The following CADM2 variants were observed in gnomAD, a reference collection of about 807,000 sequenced individuals.
CADM2 encodes immunoglobulin superfamily member 4D.
Under a neutral mutation model 49.8 loss-of-function variants are expected in CADM2, and 12 were observed. That is an observed-to-expected ratio of 0.24 (90% CI 0.15 to 0.39). The LOEUF is 0.39. Among genes scored for constraint, CADM2 ranks in the 10% least tolerant of loss-of-function variants. The pLI is 1.00. For missense variants in CADM2, 378 were observed against 492.3 expected, an observed-to-expected ratio of 0.77 and a Z score of 2.20; for synonymous variants, 214 against 175.4, an observed-to-expected ratio of 1.22 and a Z score of -1.74.
At chr3:85,227,487 G>T (rs1183881988) in intron 1 of CADM2, among the ~76,000 whole-genome samples, 1 of 131,070 alleles carries the variant, frequency 7.6e-6, no homozygotes, top group African/African-American at 2.9e-5. Context: ...TCATTTGCTT[G>T]GTAAATCTTC....
At chr3:85,558,596 A>G (rs2107163766) in intron 1 of CADM2, among the ~76,000 whole-genome samples, 1 of 152,200 alleles carries the variant, frequency 6.6e-6, no homozygotes, top group Non-Finnish European at 1.5e-5. Flanking sequence ...AATATCTTCT[A>G]TGTAAATGTG....
intron 1 of CADM2, among the ~76,000 whole-genome samples, chr3:85,706,116 T>A (rs536775773): frequency 1.4e-4 from 22 of 152,344 alleles, no homozygotes; most frequent in African/African-American, 5.3e-4. Flanking sequence ...GCTCAGATAA[T>A]CTTCCATCTC....
intron 1 of CADM2, among the ~76,000 whole-genome samples, chr3:85,636,274 C>G (rs1039991671): frequency 6.6e-6 from 1 of 151,938 alleles, no homozygotes; most frequent in Non-Finnish European, 1.5e-5. Flanking sequence ...TGATCCTGAC[C>G]CTGTGTATGC....
chr3:85,439,341 T>C (rs1186687963), intron 1 of CADM2, among the ~76,000 whole-genome samples: 1 of 151,720 alleles, frequency 6.6e-6, no homozygotes, highest in Non-Finnish European at 1.5e-5. Context: ...TTACTAGAGA[T>C]GGGGTTTCAC....
chr3:85,821,114 G>T (rs1023672790), intron 3 of CADM2, among the ~76,000 whole-genome samples: 1 of 152,050 alleles, frequency 6.6e-6, no homozygotes, highest in African/African-American at 2.4e-5. Flanking sequence ...TTCTATTGTG[G>T]TTCTCTGCAT....
At chr3:85,591,384 A>T (rs1423072872) in intron 1 of CADM2, among the ~76,000 whole-genome samples, 1 of 151,054 alleles carries the variant, frequency 6.6e-6, no homozygotes, top group Non-Finnish European at 1.5e-5. Flanking sequence ...TTACATTCTG[A>T]GGCTGCAGTT....
chr3:86,023,368 GTTTGTTTTGTTTTGT>G (rs10588840), intron 8 of CADM2, among the ~76,000 whole-genome samples: 1 of 124,002 alleles, frequency 8.1e-6, no homozygotes, highest in South Asian at 2.8e-4. Context: ...TTGTTTGTTT[GTTTGTTTTGTTTTGT>G]TTTGTTTTGT....
chr3:86,036,937 T>G lies in CADM2; in HGVS notation c.971-28668T>G, dbSNP rs1042473585. On this transcript the variant is annotated intron_variant, in intron 8 of 9. Coordinates refer to ENST00000383699, the MANE Select transcript of CADM2 (RefSeq NM_001167675.2). ...AGTTCTTTTTCACCTCAGTCTTCTT[T>G]ATTTTATTATCTGCCAAAATCTTAG... Among the ~76,000 whole-genome samples the G allele has an allele frequency of 2.6e-5, 4 of 152,180 alleles. No homozygotes were observed. In the East Asian group the frequency reaches 7.7e-4, roughly 29 times the overall value.
intron 1 of CADM2, among the ~76,000 whole-genome samples, chr3:85,222,361 A>G (rs893035710): frequency 1.1e-4 from 16 of 152,094 alleles, no homozygotes; most frequent in African/African-American, 3.6e-4. Flanking sequence ...AAGATGTATG[A>G]CTTCTCTGAT....
intron 1 of CADM2, among the ~76,000 whole-genome samples, chr3:85,097,179 G>A (rs1237904084): frequency 2.6e-5 from 4 of 152,118 alleles, no homozygotes; most frequent in African/African-American, 7.2e-5. Flanking sequence ...TCTGCGGAGT[G>A]TGATGTTCCC....
At chr3:85,892,177 G>C (rs1714531669) in intron 5 of CADM2, among the ~76,000 whole-genome samples, 1 of 152,130 alleles carries the variant, frequency 6.6e-6, no homozygotes, top group Non-Finnish European at 1.5e-5. Flanking sequence ...GGATGACAAT[G>C]GAATTTTTTA....
intron 1 of CADM2, among the ~76,000 whole-genome samples, chr3:84,996,947 C>T (rs1474327883): frequency 6.6e-6 from 1 of 152,018 alleles, no homozygotes; most frequent in African/African-American, 2.4e-5. Flanking sequence ...TATTGAAAGA[C>T]ACTGAAAAAA....
chr3:85,593,966 T>A lies in CADM2; in HGVS notation c.62-132556T>A, dbSNP rs562691169. ...GGTTAATTGAAGATTAACATTGGAG[T>A]TTTATCAGCTGAATATAGTGAGTGA... On this transcript the variant is annotated intron_variant, in intron 1 of 9. Transcript: ENST00000383699. Among the ~76,000 whole-genome samples the A allele has an allele frequency of 7.2e-5, 11 of 151,914 alleles. No individual in the cohort carries two copies. In the East Asian group the frequency reaches 2.1e-3, roughly 30 times the overall value.
At chr3:85,088,586 G>A (rs1051436384) in intron 1 of CADM2, among the ~76,000 whole-genome samples, 8 of 151,990 alleles carry the variant, frequency 5.3e-5, no homozygotes, top group Non-Finnish European at 1.0e-4. Context: ...ATAGGCCTCT[G>A]AAAACAACTG....
chr3:85,198,339 G>T (rs1218311775), intron 1 of CADM2, among the ~76,000 whole-genome samples: 2 of 151,146 alleles, frequency 1.3e-5, no homozygotes, highest in Non-Finnish European at 3.0e-5. Context: ...TGGTACAGCT[G>T]CAGGGGAGAT....
intron 1 of CADM2, among the ~76,000 whole-genome samples, chr3:85,423,865 C>A (rs868377760): frequency 6.6e-6 from 1 of 152,154 alleles, no homozygotes; most frequent in African/African-American, 2.4e-5. Flanking sequence ...AGGTCCCAAA[C>A]AATTACTTTC....
chr3:85,420,043 C>T (rs2036098188), intron 1 of CADM2, among the ~76,000 whole-genome samples: 1 of 152,100 alleles, frequency 6.6e-6, no homozygotes, highest in East Asian at 1.9e-4. Flanking sequence ...ACAAATTTTG[C>T]CAAAGCTTCA....
In CADM2 at chr3:85,853,215, A is replaced by T. The variant is rs554520589; in HGVS notation, c.239-30076A>T. On this transcript the variant is annotated intron_variant, in intron 3 of 9. Coordinates refer to ENST00000383699, the MANE Select transcript of CADM2 (RefSeq NM_001167675.2). ...GAGAAAGAGCAATTAAACATCATAG[A>T]CAGAAAGAAATTTACATTTTCTACA... 5.4e-4 allele frequency among the ~76,000 whole-genome samples: 82 copies of T among 152,116 alleles called. 1 individual carries two copies. Among genetic ancestry groups the T allele is most frequent in the South Asian group, 5.4e-3 (26 of 4,830 alleles).
At chr3:85,677,544 G>A (rs1232761274) in intron 1 of CADM2, among the ~76,000 whole-genome samples, 1 of 151,494 alleles carries the variant, frequency 6.6e-6, no homozygotes, top group East Asian at 1.9e-4. Flanking sequence ...AAAGAAACTC[G>A]GTATATTTCT....
Sources: gnomAD v4.1 joint callset for allele counts (sites outside exome capture counted in the v4.1 genomes callset) on GRCh38, gnomAD v4.1.1 for gene constraint, MANE v1.5 for transcripts, NCBI Gene and HGNC (gene_info 2026-07-23, HGNC 2026-07-21) for gene names.